SRCAP: variants seen among roughly 807,000 people sequenced by gnomAD.
The protein encoded by SRCAP is chromatin remodeling protein SRCAP.
A neutral mutation model predicts 263.1 loss-of-function variants in SRCAP; 46 were observed. That is an observed-to-expected ratio of 0.17 (90% CI 0.14 to 0.22). The LOEUF (loss-of-function observed/expected upper bound fraction) is 0.22. SRCAP is among the 10% of genes least tolerant of loss of function. SRCAP has a pLI of 1.00. For synonymous variants in SRCAP, 1,813 were observed against 1,662.1 expected (o/e 1.09, Z -2.21); for missense variants, 3,695 against 4,181.9 (o/e 0.88, Z 3.21).
At position 30,699,242 on chromosome 16, in the gene SRCAP, G is replaced by T; in HGVS notation, c.-284G>T. ...CAAGAGTTAAGGCTTGTTGGCTTCTGGTGAGCTCGGGTCTTGGGAACGTGT... is the reference window on the plus strand; with the variant it reads ...CAAGAGTTAAGGCTTGTTGGCTTCTTGTGAGCTCGGGTCTTGGGAACGTGT... On this transcript the variant is annotated splice_region_variant and 5_prime_UTR_variant, in exon 1 of 34. Coordinates refer to ENST00000262518, the MANE Select transcript of SRCAP (RefSeq NM_006662.3). 1 of 398,720 alleles carries T rather than the reference G, an allele frequency of 2.5e-6. No homozygotes were observed. Among genetic ancestry groups the T allele is most frequent in the African/African-American group, 2.1e-5 (1 of 48,764 alleles). The allele number at this position is 398,720 out of a possible 1,614,324, so 24.7% of individuals were successfully genotyped here.
At chr16:30,728,941 C>T in intron 25 of SRCAP, 25 bp from the exon 26 acceptor site, 2 of 1,597,944 alleles carry the variant, frequency 1.3e-6, no homozygotes, top group Non-Finnish European at 1.7e-6. Flanking sequence ...GTGCTGATTA[C>T]TTCCTCTTTT....
At chr16:30,732,015 T>TA (rs1450228599) in intron 27 of SRCAP, among the ~76,000 whole-genome samples, 1 of 151,274 alleles carries the variant, frequency 6.6e-6, no homozygotes, top group African/African-American at 2.4e-5. Context: ...CGTGGTGACA[T>TA]ACGCCTGTAG....
In SRCAP at chr16:30,733,059, C is replaced by T. The variant is rs1305207632; in HGVS notation, c.6128-221C>T. On this transcript the variant is annotated intron_variant, in intron 27 of 33. Coordinates refer to ENST00000262518, the MANE Select transcript of SRCAP (RefSeq NM_006662.3). The surrounding 1 kb of genome is among the most constrained non-coding windows in gnomAD (Gnocchi z 5.3). ...TCATGTTGGCCAGGCTGGTCTTGAA[C>T]TCCCGACTTAAAGTGATCCACCTGC... Among the ~76,000 whole-genome samples, 1 of 152,162 alleles carries T rather than the reference C, an allele frequency of 6.6e-6. No homozygotes were observed. Among genetic ancestry groups the T allele is most frequent in the Non-Finnish European group, 1.5e-5 (1 of 68,036 alleles).
intron 6 of SRCAP, 129 bp downstream of exon 6, chr16:30,707,841 G>T (rs1465581019): frequency 2.4e-6 from 3 of 1,252,112 alleles, no homozygotes; most frequent in Non-Finnish European, 3.3e-6. Flanking sequence ...CGTTTATGTT[G>T]TATGGATAAA....
chr16:30,724,340 G>A lies in SRCAP; in HGVS notation c.4916G>A (p.Gly1639Glu). 1 of 1,614,074 alleles carries A rather than the reference G, an allele frequency of 6.2e-7. No homozygotes were observed. Among genetic ancestry groups the A allele is most frequent in the Non-Finnish European group, 8.5e-7 (1 of 1,179,998 alleles). The change falls in exon 25 of 34, where the codon GGA (glycine) becomes GAA (glutamate). Residue 1639 changes from glycine to glutamate, a missense_variant. Physicochemically the swap from Gly to Glu is moderately conservative, Grantham distance 98. Around this residue, in one of 12 missense-constraint regions of SRCAP, gnomAD observed 1,347 missense variants for 1,304.4 expected, o/e 1.03. Transcript: ENST00000262518. Reference protein sequence around the residue: ...VPVMAPSSTPGTSLASASPVP... With the variant: ...VPVMAPSSTPETSLASASPVP... ...GTTATGGCTCCATCGTCTACTCCAG[G>A]AACCTCTTTAGCCTCAGCTTCACCG...
chr16:30,732,527 T>G (rs142545472), intron 27 of SRCAP, among the ~76,000 whole-genome samples: 64 of 152,294 alleles, frequency 4.2e-4, no homozygotes, highest in African/African-American at 1.5e-3. Context: ...ATTTCTGTGT[T>G]TGATGGAAGG....
chr16:30,720,584 T>A, intron 19 of SRCAP, 129 bp from the exon 20 acceptor site: 1 of 1,191,882 alleles, frequency 8.4e-7, no homozygotes, highest in Non-Finnish European at 1.2e-6. Flanking sequence ...TTCCTTGTTC[T>A]CCTTTGGGTC....
intron 10 of SRCAP, among the ~76,000 whole-genome samples, 159 bp downstream of exon 10, chr16:30,711,247 T>C (rs1422122767): frequency 6.6e-6 from 1 of 152,130 alleles, no homozygotes; most frequent in Non-Finnish European, 1.5e-5. Flanking sequence ...AAGTAGAAAG[T>C]GATGAGTGCT....
At chr16:30,714,947 C>G (rs961285026) in intron 16 of SRCAP, among the ~76,000 whole-genome samples, 2 of 152,196 alleles carry the variant, frequency 1.3e-5, no homozygotes, top group South Asian at 4.1e-4. Flanking sequence ...TTCTTTGGCT[C>G]TTCCTTTTTC....
chr16:30,711,159 A>C lies in SRCAP; in HGVS notation c.1318+71A>C, dbSNP rs1284371682. ...GGTGTGCAGTACCAAGGATAAAGAG[A>C]TGAATAAGGCACTTTGTATCCACCC... On this transcript the variant is annotated intron_variant, in intron 10 of 33. Coordinates refer to ENST00000262518, the MANE Select transcript of SRCAP (RefSeq NM_006662.3). 5 of 1,205,914 alleles carry C rather than the reference A, an allele frequency of 4.1e-6. No individual in the cohort carries two copies. The Admixed American group carries it at 9.8e-5, about 24-fold the overall frequency. 74.7% of individuals were successfully genotyped at this position (1,205,914 alleles called of 1,614,324 possible).
intron 3 of SRCAP, chr16:30,701,335 C>T (rs538438832): frequency 2.6e-5 from 4 of 153,044 alleles, no homozygotes; most frequent in African/African-American, 9.6e-5. Context: ...TTAAATTTTT[C>T]TATAAAAAGG....
At chr16:30,726,556 T>C (rs983032638) in intron 25 of SRCAP, among the ~76,000 whole-genome samples, 3 of 151,950 alleles carry the variant, frequency 2.0e-5, no homozygotes, top group African/African-American at 7.3e-5. Context: ...AGTCTTGCTC[T>C]GTTACCCAGG....
Position 30,699,220 on chromosome 16 carries a change from G to A in SRCAP, c.-306G>A. On this transcript the variant is annotated 5_prime_UTR_variant, in exon 1 of 34. Coordinates refer to ENST00000262518, the MANE Select transcript of SRCAP (RefSeq NM_006662.3). ...AGATGGTCACGAAACCTGAAGTCAA[G>A]AGTTAAGGCTTGTTGGCTTCTGGTG... is the stretch of plus-strand genomic sequence containing the variant. 2.5e-6 allele frequency: 1 copy of A among 398,818 alleles called. No individual in the cohort carries two copies. The highest frequency in any genetic ancestry group is 4.4e-6 in the Non-Finnish European group (1 of 226,172). The allele number at this position is 398,818 out of a possible 1,614,324, so 24.7% of individuals were successfully genotyped here.
At chr16:30,704,427 G>A in intron 4 of SRCAP, 112 bp downstream of exon 4, 1 of 1,358,022 alleles carries the variant, frequency 7.4e-7, no homozygotes, top group Non-Finnish European at 1.0e-6. Flanking sequence ...TTAGGGTATA[G>A]GTTCTGCCTT....
chr16:30,707,416 C>T (rs1380106261), intron 5 of SRCAP, 48 bp downstream of exon 5: 1 of 1,606,010 alleles, frequency 6.2e-7, no homozygotes, highest in African/African-American at 1.3e-5. Context: ...CAGGTCTGTT[C>T]CTTCCCGGTT....
rs773890896 is a variant in SRCAP, at chr16:30,738,008, C to T, written c.7968C>T (p.Pro2656=). The change falls in exon 34 of 34, where the codon CCC becomes CCT. Residue 2656 remains proline (P), a synonymous_variant. Transcript: ENST00000262518. ...VSESNGLELP[P]SAASDEPLQE... ...AGAGCAATGGCCTGGAGCTCCCACC[C>T]TCAGCAGCATCTGATGAGCCACTTC... 1.1e-5 allele frequency: 18 copies of T among 1,614,106 alleles called. No individual in the cohort carries two copies. The highest frequency in any genetic ancestry group is 1.5e-5 in the Non-Finnish European group (18 of 1,180,034).
chr16:30,734,206 G>C, intron 30 of SRCAP, 198 bp downstream of exon 30: 1 of 626,172 alleles, frequency 1.6e-6, no homozygotes, highest in East Asian at 2.9e-5. Context: ...AGCCGGGCAT[G>C]GTGGTGGGCG....
At position 30,713,639 on chromosome 16, in the gene SRCAP, C is replaced by T; in HGVS notation, c.2421C>T (p.Phe807=). The change falls in exon 16 of 34, where the codon TTC becomes TTT. Residue 807 remains phenylalanine, a synonymous_variant. Coordinates refer to ENST00000262518, the MANE Select transcript of SRCAP (RefSeq NM_006662.3). ...CTCATCGCGAGTTCAAGGAGTGGTT[C>T]TCTAATCCCCTAACTGGCATGATTG... ...FQSHREFKEW[F]SNPLTGMIEG... is the part of the protein sequence containing the mutation. 6.2e-7 allele frequency: 1 copy of T among 1,614,128 alleles called. No individual in the cohort carries two copies.
intron 31 of SRCAP, among the ~76,000 whole-genome samples, 160 bp from the exon 32 acceptor site, chr16:30,736,040 C>T (rs1292673121): frequency 6.6e-6 from 1 of 152,052 alleles, no homozygotes; most frequent in Admixed American, 6.6e-5. Context: ...TTGTGGACCA[C>T]TGAGTTGTTG....
Sources: gnomAD v4.1 joint callset for allele counts (sites outside exome capture counted in the v4.1 genomes callset) on GRCh38, gnomAD v4.1.1 for gene constraint, gnomAD v4.1.1 regional missense constraint, Gnocchi (gnomAD v3.1) non-coding constraint, MANE v1.5 for transcripts, NCBI Gene and HGNC (gene_info 2026-07-23, HGNC 2026-07-21) for gene names.